Variants in SLC25A33 observed in about 807,000 individuals in gnomAD.
The protein encoded by SLC25A33 is solute carrier family 25 member 33.
A neutral mutation model predicts 35.5 loss-of-function variants in SLC25A33; 15 were observed. That is an observed-to-expected ratio of 0.42 (90% confidence interval 0.28 to 0.65). The LOEUF is 0.65. Among genes scored for constraint, SLC25A33 ranks in the 30% least tolerant of loss-of-function variants. SLC25A33 has a pLI of 0.20. For missense variants in SLC25A33, 257 were observed against 398.5 expected (o/e 0.64, Z 3.02); for synonymous variants, 136 against 148.7 (o/e 0.91, Z 0.62).
At chr1:9,551,228 CA>C (rs1643262739) in intron 1 of SLC25A33, among the ~76,000 whole-genome samples, 1 of 151,780 alleles carries the variant, frequency 6.6e-6, no homozygotes, top group Non-Finnish European at 1.5e-5. Context: ...ACTAAAAATA[CA>C]AAAAAATACA....
chr1:9,564,725 T>TAA (rs1553146726), intron 2 of SLC25A33, among the ~76,000 whole-genome samples: 1,145 of 94,362 alleles, frequency 0.012, 27 homozygotes, highest in African/African-American at 0.034. Flanking sequence ...CGTCTCTATT[T>TAA]AAAAAAAAAA....
chr1:9,550,899 A>C (rs1643257504), intron 1 of SLC25A33, among the ~76,000 whole-genome samples: 1 of 151,770 alleles, frequency 6.6e-6, no homozygotes, highest in Admixed American at 6.6e-5. Context: ...GCTGGTCTCC[A>C]ACTCCTGAGC....
chr1:9,546,480 G>A (rs1167988557), intron 1 of SLC25A33, among the ~76,000 whole-genome samples: 2 of 151,956 alleles, frequency 1.3e-5, no homozygotes, highest in Admixed American at 6.6e-5. Context: ...CACCGCACCC[G>A]GCCCCACAGA....
chr1:9,553,540 G>A, intron 1 of SLC25A33, 86 bp from the exon 2 acceptor site: 1 of 1,518,556 alleles, frequency 6.6e-7, no homozygotes, highest in Non-Finnish European at 9.0e-7. Flanking sequence ...GCACGTTCTA[G>A]TTTTAAAGAG....
At chr1:9,576,897 A>G in intron 5 of SLC25A33, 2 of 1,300,432 alleles carry the variant, frequency 1.5e-6, no homozygotes, top group Non-Finnish European at 2.2e-6. Flanking sequence ...GCCTTGATTC[A>G]GCAAGCCACA....
intron 1 of SLC25A33, among the ~76,000 whole-genome samples, chr1:9,552,778 T>C (rs1643283767): frequency 6.6e-6 from 1 of 152,014 alleles, no homozygotes; most frequent in Admixed American, 6.6e-5. Context: ...AGCAGGTGCA[T>C]AATTTGCCAT....
intron 3 of SLC25A33, among the ~76,000 whole-genome samples, chr1:9,569,195 A>T (rs1177278961): frequency 6.6e-6 from 1 of 151,598 alleles, no homozygotes; most frequent in Non-Finnish European, 1.5e-5. Flanking sequence ...CAGTGAGCCC[A>T]GGTCACGCCA....
At chr1:9,549,143 A>G (rs745672490) in intron 1 of SLC25A33, among the ~76,000 whole-genome samples, 1 of 152,114 alleles carries the variant, frequency 6.6e-6, no homozygotes, top group Non-Finnish European at 1.5e-5. Context: ...ACTGGGTGGT[A>G]TGCTTGGGAA....
chr1:9,579,166 C>T (rs1643702785), intron 5 of SLC25A33, among the ~76,000 whole-genome samples: 1 of 152,224 alleles, frequency 6.6e-6, no homozygotes, highest in Non-Finnish European at 1.5e-5. Flanking sequence ...CAGTCATTGA[C>T]ACAGAAGATG....
intron 1 of SLC25A33, among the ~76,000 whole-genome samples, chr1:9,549,291 A>G (rs1461692195): frequency 6.6e-6 from 1 of 150,456 alleles, no homozygotes; most frequent in African/African-American, 2.4e-5. Context: ...CAAGCAAGGC[A>G]GAAAAGAGAT....
At chr1:9,559,911 C>T (rs1196160556) in intron 2 of SLC25A33, among the ~76,000 whole-genome samples, 1 of 152,028 alleles carries the variant, frequency 6.6e-6, no homozygotes, top group Admixed American at 6.6e-5. Context: ...TCTACAAAGC[C>T]CGTGTTAGTT....
intron 2 of SLC25A33, among the ~76,000 whole-genome samples, chr1:9,564,737 A>T (rs199880944): frequency 0.022 from 1,578 of 71,614 alleles, 18 homozygotes; most frequent in East Asian, 0.13. Flanking sequence ...AAAAAAAAAA[A>T]AAATATATAT....
chr1:9,567,881 G>A (rs1043145621), intron 3 of SLC25A33, among the ~76,000 whole-genome samples: 1 of 152,178 alleles, frequency 6.6e-6, no homozygotes, highest in Non-Finnish European at 1.5e-5. Context: ...GAACTGTACT[G>A]TCCCAGTACA....
intron 2 of SLC25A33, among the ~76,000 whole-genome samples, chr1:9,557,945 C>A (rs1460390028): frequency 6.6e-6 from 1 of 152,138 alleles, no homozygotes; most frequent in Non-Finnish European, 1.5e-5. Context: ...TAATAACTTT[C>A]AAGTAAAGGA....
chr1:9,545,121 G>A (rs555908653), intron 1 of SLC25A33, among the ~76,000 whole-genome samples: 26 of 152,152 alleles, frequency 1.7e-4, no homozygotes, highest in Non-Finnish European at 3.8e-4. Flanking sequence ...GTATCTTCAT[G>A]TAATAAATAC....
At chr1:9,581,211 C>T (rs1643740461) in intron 6 of SLC25A33, among the ~76,000 whole-genome samples, 1 of 152,082 alleles carries the variant, frequency 6.6e-6, no homozygotes, top group African/African-American at 2.4e-5. Context: ...TGACGAATGT[C>T]CAACTCTAGG....
rs561346719 is a variant in SLC25A33, at chr1:9,575,729, T to C, written c.482+2317T>C. On this transcript the variant is annotated intron_variant, in intron 5 of 6. Coordinates refer to ENST00000302692, the MANE Select transcript of SLC25A33 (RefSeq NM_032315.3). ...CATGATAACCTCTGCATGAGTCACTTGACTCCAAGTTCGCCCAATCAATCT... is the reference window on the plus strand; with the variant it reads ...CATGATAACCTCTGCATGAGTCACTCGACTCCAAGTTCGCCCAATCAATCT... Among the ~76,000 whole-genome samples, 9 of 152,310 alleles carry C rather than the reference T, an allele frequency of 5.9e-5. No individual in the cohort carries two copies. In the South Asian group the frequency reaches 1.9e-3, roughly 32 times the overall value.
intron 1 of SLC25A33, 149 bp from the exon 2 acceptor site, chr1:9,553,477 C>G (rs1245066031): frequency 1.4e-6 from 1 of 693,598 alleles, no homozygotes; most frequent in African/African-American, 1.8e-5. Context: ...TCGTGATCCA[C>G]CCACCTCAGC....
intron 2 of SLC25A33, among the ~76,000 whole-genome samples, chr1:9,565,357 A>T (rs183739354): frequency 2.6e-5 from 4 of 151,910 alleles, no homozygotes; most frequent in African/African-American, 4.8e-5. Flanking sequence ...TCTACTAAAA[A>T]TACAAAAAAT....
Sources: gnomAD v4.1 joint callset for allele counts (sites outside exome capture counted in the v4.1 genomes callset) on GRCh38, gnomAD v4.1.1 for gene constraint, MANE v1.5 for transcripts, NCBI Gene and HGNC (gene_info 2026-07-23, HGNC 2026-07-21) for gene names.